Variants in RIMS1 observed in about 807,000 individuals in gnomAD.
The protein encoded by RIMS1 is regulating synaptic membrane exocytosis 1, also known as regulating synaptic membrane exocytosis protein 1.
Under a neutral mutation model 214.1 loss-of-function variants are expected in RIMS1, and 83 were observed. That is an observed-to-expected ratio of 0.39 (90% CI 0.32 to 0.47). The LOEUF (loss-of-function observed/expected upper bound fraction) is 0.47, where lower values mean the gene tolerates loss of function less well. RIMS1 is among the 20% of genes least tolerant of loss of function. The probability of loss-of-function intolerance (pLI) is 0.99; values close to 1 mark genes in which losing one functional copy is unlikely to be tolerated. For synonymous variants in RIMS1, 793 were observed against 786.8 expected (o/e 1.01, Z -0.13); for missense variants, 2,050 against 2,161.8 (o/e 0.95, Z 1.03).
At chr6:72,014,830 G>T (rs184045323) in intron 2 of RIMS1, among the ~76,000 whole-genome samples, 1 of 152,238 alleles carries the variant, frequency 6.6e-6, no homozygotes, top group Non-Finnish European at 1.5e-5. Flanking sequence ...TTTGCAAATC[G>T]CTAATGAATA....
intron 2 of RIMS1, among the ~76,000 whole-genome samples, chr6:72,075,046 A>G (rs1303418432): frequency 6.6e-6 from 1 of 152,144 alleles, no homozygotes; most frequent in African/African-American, 2.4e-5. Flanking sequence ...TCATCCCTGA[A>G]GTAGCTGGGA....
At chr6:72,083,028 C>T (rs551692926) in intron 2 of RIMS1, among the ~76,000 whole-genome samples, 2 of 152,124 alleles carry the variant, frequency 1.3e-5, no homozygotes, top group Admixed American at 6.5e-5. Flanking sequence ...ATGTTGAAAG[C>T]TCCCCTCCCT....
chr6:72,392,946 A>T (rs1387175488), intron 31 of RIMS1, 136 bp downstream of exon 31: 1 of 651,194 alleles, frequency 1.5e-6, no homozygotes, highest in Non-Finnish European at 2.7e-6. Flanking sequence ...TTTGCAAACA[A>T]CTATTCTAAT....
At chr6:71,907,165 C>G (rs967424860) in intron 1 of RIMS1, among the ~76,000 whole-genome samples, 3 of 152,152 alleles carry the variant, frequency 2.0e-5, no homozygotes, top group Non-Finnish European at 4.4e-5. Flanking sequence ...TAGATTTACC[C>G]TGCATTATGC....
At chr6:72,253,821 C>A (rs2074544479) in intron 16 of RIMS1, among the ~76,000 whole-genome samples, 1 of 152,022 alleles carries the variant, frequency 6.6e-6, no homozygotes, top group Non-Finnish European at 1.5e-5. Context: ...TCTCTAAAAT[C>A]AGGTTTCATT....
chr6:72,322,217 C>T (rs144085133), intron 28 of RIMS1, among the ~76,000 whole-genome samples: 111 of 152,116 alleles, frequency 7.3e-4, no homozygotes, highest in African/African-American at 2.6e-3. Context: ...GAAGTTTTAG[C>T]CCTGGAGCAC....
At position 72,352,489 on chromosome 6, in the gene RIMS1, A is replaced by G. The variant is rs561927048; in HGVS notation, c.4366+18654A>G. 2.0e-5 allele frequency among the ~76,000 whole-genome samples: 3 copies of G among 152,316 alleles called. No homozygotes were observed. The East Asian group carries it at 5.8e-4, about 29-fold the overall frequency. On this transcript the variant is annotated intron_variant, in intron 29 of 33. Coordinates refer to ENST00000521978, the MANE Select transcript of RIMS1 (RefSeq NM_014989.7). ...CATACTATTATATCATCCTCAAGTA[A>G]TTTGATATATTAGCTAACGTAATTC...
At chr6:72,115,027 G>A (rs1462317426) in intron 4 of RIMS1, among the ~76,000 whole-genome samples, 6 of 151,886 alleles carry the variant, frequency 4.0e-5, no homozygotes. Flanking sequence ...CTGCATATAT[G>A]ATAAGTGGAA....
chr6:72,398,571 T>A (rs1253312218), intron 32 of RIMS1, among the ~76,000 whole-genome samples: 1 of 152,178 alleles, frequency 6.6e-6, no homozygotes, highest in Non-Finnish European at 1.5e-5. Flanking sequence ...ATATTTTTTT[T>A]AAAGTTTAGT....
intron 28 of RIMS1, among the ~76,000 whole-genome samples, chr6:72,327,142 CA>C (rs970340812): frequency 1.0e-4 from 15 of 149,090 alleles, no homozygotes; most frequent in Admixed American, 7.4e-4. Context: ...TTTAAGCCAC[CA>C]AAAAAAAATA....
At chr6:71,956,535 A>C (rs913452834) in intron 1 of RIMS1, among the ~76,000 whole-genome samples, 1 of 152,160 alleles carries the variant, frequency 6.6e-6, no homozygotes, top group Non-Finnish European at 1.5e-5. Flanking sequence ...TTAGATTTTG[A>C]AAAAATTAAT....
intron 2 of RIMS1, among the ~76,000 whole-genome samples, chr6:72,061,871 TA>T (rs2152251435): frequency 6.6e-6 from 1 of 152,390 alleles, no homozygotes; most frequent in East Asian, 1.9e-4. Context: ...TAATTGTTTT[TA>T]AAGACAGAAA....
chr6:72,198,238 G>A (rs2051318809), intron 6 of RIMS1, among the ~76,000 whole-genome samples: 2 of 152,046 alleles, frequency 1.3e-5, no homozygotes, highest in South Asian at 4.1e-4. Context: ...TAAAGAAAAT[G>A]TGCATATACG....
In RIMS1 at chr6:72,389,641, G is replaced by A. The variant is rs988460738; in HGVS notation, c.4367-957G>A. ...TTATGTATGTAATTATGTATATAGAGCATTTTTCATATATTATTAATGGGT... is the reference window on the plus strand; with the variant it reads ...TTATGTATGTAATTATGTATATAGAACATTTTTCATATATTATTAATGGGT... On this transcript the variant is annotated intron_variant, in intron 29 of 33. Transcript: ENST00000521978. Among the ~76,000 whole-genome samples, 6 of 152,090 alleles carry A rather than the reference G, an allele frequency of 3.9e-5. No individual in the cohort carries two copies. The East Asian group carries it at 1.2e-3, about 29-fold the overall frequency.
intron 1 of RIMS1, among the ~76,000 whole-genome samples, chr6:71,892,796 G>A (rs548052985): frequency 2.0e-5 from 3 of 152,124 alleles, no homozygotes; most frequent in African/African-American, 4.8e-5. Flanking sequence ...GAATAAAGGC[G>A]AATCCTCTGC....
intron 30 of RIMS1, among the ~76,000 whole-genome samples, chr6:72,392,001 T>C (rs1447847726): frequency 6.6e-6 from 1 of 152,214 alleles, no homozygotes; most frequent in Non-Finnish European, 1.5e-5. Context: ...GAAAGCACAA[T>C]GGAAAGAGTA....
At chr6:72,351,289 T>G (rs2097438610) in intron 29 of RIMS1, among the ~76,000 whole-genome samples, 1 of 152,148 alleles carries the variant, frequency 6.6e-6, no homozygotes. Context: ...AGCAATCATT[T>G]CCACTGAACT....
chr6:72,210,573 G>A (rs1243367279), intron 6 of RIMS1, among the ~76,000 whole-genome samples: 7 of 152,192 alleles, frequency 4.6e-5, no homozygotes, highest in South Asian at 2.1e-4. Context: ...TACTTAGTGC[G>A]GATTTATTTG....
At chr6:72,233,913 T>A in intron 7 of RIMS1, 73 bp downstream of exon 7, 1 of 910,186 alleles carries the variant, frequency 1.1e-6, no homozygotes, top group Non-Finnish European at 1.8e-6. Context: ...GTCTGATATG[T>A]GATATCTGCT....
Sources: gnomAD v4.1 joint callset for allele counts (sites outside exome capture counted in the v4.1 genomes callset) on GRCh38, gnomAD v4.1.1 for gene constraint, MANE v1.5 for transcripts, NCBI Gene and HGNC (gene_info 2026-07-23, HGNC 2026-07-21) for gene names.